Variants in NAV2 observed in about 807,000 individuals in gnomAD.
NAV2 encodes the protein neuron navigator 2, also known as helicase, APC down-regulated 1.
Under a neutral mutation model 223.2 loss-of-function variants are expected in NAV2, and 54 were observed. The ratio of observed to expected loss-of-function variants is 0.24; its 90% CI spans 0.19 to 0.30. The LOEUF is 0.30. Among genes scored for constraint, NAV2 ranks in the 10% least tolerant of loss-of-function variants. The probability of loss-of-function intolerance (pLI) is 1.00; values close to 1 mark genes in which losing one functional copy is unlikely to be tolerated. For synonymous variants in NAV2, 1,279 were observed against 1,239.3 expected (o/e 1.03, Z -0.67); for missense variants, 2,806 against 3,147.5 (o/e 0.89, Z 2.60).
chr11:19,624,800 C>T (rs188302073), intron 1 of NAV2, among the ~76,000 whole-genome samples: 516 of 152,300 alleles, frequency 3.4e-3, no homozygotes, highest in African/African-American at 0.011. Flanking sequence ...GAGATGAACC[C>T]GGTACCTCAG....
At chr11:19,711,428 C>T (rs1457255339), upstream of NAV2, 1 of 152,182 alleles carries the variant, frequency 6.6e-6, no homozygotes, top group African/African-American at 2.4e-5. Flanking sequence ...CCTCACAAGG[C>T]AGTAAGAAAG....
At position 19,744,419 on chromosome 11, in the gene NAV2, T is replaced by A. The variant is rs1425228; in HGVS notation, c.267+30457T>A. On this transcript the variant is annotated intron_variant, in intron 1 of 37. Coordinates refer to ENST00000349880, the MANE Select transcript of NAV2 (RefSeq NM_145117.5). Reference sequence around the variant, plus strand: ...CCAGAAGGTTTAGTTCTGACACCACTCATGTGGGGCCCATTTAGAGAGACA... The same window carrying A: ...CCAGAAGGTTTAGTTCTGACACCACACATGTGGGGCCCATTTAGAGAGACA... Among the ~76,000 whole-genome samples, 505 of 152,090 alleles carry A rather than the reference T, an allele frequency of 3.3e-3. 3 individuals carry two copies. Among genetic ancestry groups the A allele is most frequent in the African/African-American group, 0.011 (477 of 41,482 alleles).
chr11:19,374,333 T>TA (rs751932779), intron 1 of NAV2, among the ~76,000 whole-genome samples: 3 of 110,560 alleles, frequency 2.7e-5, no homozygotes, highest in Non-Finnish European at 1.8e-5. Context: ...TTTTTTTTTT[T>TA]AAAATCAGCT....
At chr11:19,729,452 C>A (rs1411552343) in intron 1 of NAV2, among the ~76,000 whole-genome samples, 2 of 152,164 alleles carry the variant, frequency 1.3e-5, no homozygotes, top group Admixed American at 6.5e-5. Flanking sequence ...TACTGAGAAT[C>A]CTGGTGAAAT....
At chr11:19,395,621 T>G (rs1849417859) in intron 1 of NAV2, among the ~76,000 whole-genome samples, 1 of 152,178 alleles carries the variant, frequency 6.6e-6, no homozygotes, top group African/African-American at 2.4e-5. Context: ...GAGGAAGCCC[T>G]CGGAGTGGAC....
At chr11:20,028,600 A>G (rs1049385841) in intron 11 of NAV2, among the ~76,000 whole-genome samples, 2 of 152,194 alleles carry the variant, frequency 1.3e-5, no homozygotes, top group East Asian at 3.8e-4. Context: ...AATCTATAAG[A>G]CACTGCCATC....
chr11:19,772,559 G>T (rs1319855712), intron 1 of NAV2, among the ~76,000 whole-genome samples: 2 of 152,206 alleles, frequency 1.3e-5, no homozygotes, highest in African/African-American at 2.4e-5. Flanking sequence ...AAGCTCTTCT[G>T]TGGTATTTTT....
chr11:19,679,016 T>A (rs1337307315), intron 1 of NAV2, among the ~76,000 whole-genome samples: 1 of 152,220 alleles, frequency 6.6e-6, no homozygotes, highest in Non-Finnish European at 1.5e-5. Context: ...TTGTTAAATG[T>A]GAAAAGCAAA....
intron 1 of NAV2, among the ~76,000 whole-genome samples, chr11:19,551,077 G>C (rs2044675566): frequency 6.6e-6 from 1 of 152,288 alleles, no homozygotes; most frequent in Non-Finnish European, 1.5e-5. Context: ...CTGTGGCACT[G>C]CCACTTCAAA....
intron 1 of NAV2, among the ~76,000 whole-genome samples, chr11:19,629,231 C>T (rs1291020169): frequency 6.6e-6 from 1 of 152,066 alleles, no homozygotes; most frequent in African/African-American, 2.4e-5. Context: ...ACCCATCAAG[C>T]CTCTGGAACT....
intron 1 of NAV2, among the ~76,000 whole-genome samples, chr11:19,473,361 G>A (rs2042022608): frequency 6.6e-6 from 1 of 152,008 alleles, no homozygotes; most frequent in Non-Finnish European, 1.5e-5. Flanking sequence ...GGGGTGGGGG[G>A]AGAGGCTTGG....
intron 11 of NAV2, among the ~76,000 whole-genome samples, chr11:19,995,051 G>A (rs1011689014): frequency 1.3e-5 from 2 of 152,152 alleles, no homozygotes; most frequent in African/African-American, 4.8e-5. Context: ...CAATCCAGGC[G>A]ATAAGGAAAG....
chr11:19,633,281 G>A (rs1011161205), intron 1 of NAV2, among the ~76,000 whole-genome samples: 1 of 152,234 alleles, frequency 6.6e-6, no homozygotes, highest in African/African-American at 2.4e-5. Flanking sequence ...GCAAGTGAAG[G>A]CTTGACCTGG....
chr11:19,772,988 A>G (rs2055839826), intron 1 of NAV2, among the ~76,000 whole-genome samples: 1 of 152,226 alleles, frequency 6.6e-6, no homozygotes. Flanking sequence ...GGAACTTTAT[A>G]GATCATCAGT....
chr11:20,054,199 T>C lies in NAV2; in HGVS notation c.4601T>C (p.Val1534Ala), dbSNP rs747988171. 4 of 1,612,992 alleles carry C rather than the reference T, an allele frequency of 2.5e-6. No homozygotes were observed. The highest frequency in any genetic ancestry group is 3.4e-6 in the Non-Finnish European group (4 of 1,179,844). The change falls in exon 18 of 38, where the codon GTG becomes GCG. Residue 1534 changes from valine to alanine, a missense_variant. Transcript: ENST00000349880. The stretch of plus-strand genomic sequence containing the variant: ...TCCCCCTTTTCCTCTGGCTCCAGCG[T>C]GACTTCTCCCTCCGGAACAAGATTC... ...ANSPFSSGSS[V>A]TSPSGTRFNF... is the part of the protein sequence containing the mutation.
intron 1 of NAV2, among the ~76,000 whole-genome samples, chr11:19,716,451 A>C (rs1381708918): frequency 1.3e-5 from 2 of 152,262 alleles, no homozygotes; most frequent in East Asian, 1.9e-4. Flanking sequence ...CTGGCAAATA[A>C]GGAACACTTA....
At chr11:19,513,486 G>A (rs549959932) in intron 1 of NAV2, among the ~76,000 whole-genome samples, 1 of 152,296 alleles carries the variant, frequency 6.6e-6, no homozygotes, top group African/African-American at 2.4e-5. Context: ...GGACAGAGTG[G>A]TGTCCTGGGC....
At chr11:19,866,218 A>G (rs1384360881) in intron 3 of NAV2, among the ~76,000 whole-genome samples, 1 of 152,224 alleles carries the variant, frequency 6.6e-6, no homozygotes, top group Non-Finnish European at 1.5e-5. Flanking sequence ...TGGACTGGAC[A>G]GTTCTTTGTT....
chr11:19,583,075 C>G lies in NAV2; in HGVS notation c.75+232048C>G, dbSNP rs576438470. ...CATTGAGCAGTGGTTTGTAGTTCTC[C>G]TTGAAGAGGTCCTTCACATCCCTTG... is the stretch of plus-strand genomic sequence containing the variant. On this transcript the variant is annotated intron_variant, in intron 1 of 37. Coordinates refer to the NAV2 transcript ENST00000360655. 1.8e-3 allele frequency among the ~76,000 whole-genome samples: 269 copies of G among 152,244 alleles called. 1 individual carries two copies. The highest frequency in any genetic ancestry group is 4.6e-3 in the African/African-American group (191 of 41,544).
Sources: gnomAD v4.1 joint callset for allele counts (sites outside exome capture counted in the v4.1 genomes callset) on GRCh38, gnomAD v4.1.1 for gene constraint, MANE v1.5 for transcripts, NCBI Gene and HGNC (gene_info 2026-07-23, HGNC 2026-07-21) for gene names.